FCHO2: variants seen among roughly 807,000 people sequenced by gnomAD.
FCHO2 encodes FCH and mu domain containing endocytic adaptor 2.
A neutral mutation model predicts 114.1 loss-of-function variants in FCHO2; 43 were observed. That is an observed-to-expected ratio of 0.38 (90% CI 0.30 to 0.49). The LOEUF is 0.49. Among genes scored for constraint, FCHO2 ranks in the 20% least tolerant of loss-of-function variants. FCHO2 has a pLI of 0.97. For missense variants in FCHO2, 807 were observed against 950.4 expected (o/e 0.85, Z 1.98); for synonymous variants, 293 against 315.2 (o/e 0.93, Z 0.75).
chr5:72,988,956 C>T (rs1753683174), intron 2 of FCHO2, among the ~76,000 whole-genome samples: 1 of 152,184 alleles, frequency 6.6e-6, no homozygotes. Flanking sequence ...TGCCTATGAT[C>T]TCAGCACTTT....
chr5:72,956,044 T>G lies in FCHO2; in HGVS notation c.-53T>G. ...GGGGTGCTGTGGGGGCCGGGCCGTG[T>G]TTACACAGCGGCGGGCGGGCGCGGA... On this transcript the variant is annotated 5_prime_UTR_variant, in exon 1 of 26. Coordinates refer to ENST00000430046, the MANE Select transcript of FCHO2 (RefSeq NM_138782.3). 6.5e-7 allele frequency: 1 copy of G among 1,536,484 alleles called. No homozygotes were observed.
chr5:73,073,932 A>G (rs1039230186), intron 19 of FCHO2, among the ~76,000 whole-genome samples: 4 of 152,104 alleles, frequency 2.6e-5, no homozygotes, highest in African/African-American at 7.2e-5. Flanking sequence ...ATTAAATGAA[A>G]TGCTCCCACT....
chr5:72,957,201 T>A (rs1427703293), intron 1 of FCHO2, among the ~76,000 whole-genome samples: 8 of 151,826 alleles, frequency 5.3e-5, no homozygotes, highest in Admixed American at 6.6e-5. Context: ...CCTTAGGTGT[T>A]TTGTTTTTTA....
intron 22 of FCHO2, 111 bp downstream of exon 22, chr5:73,078,423 A>C: frequency 9.7e-7 from 1 of 1,031,426 alleles, no homozygotes; most frequent in East Asian, 2.8e-5. Context: ...CAGAAATTCA[A>C]GGATGTTTTG....
At chr5:72,959,095 A>G (rs1751712896) in intron 1 of FCHO2, among the ~76,000 whole-genome samples, 1 of 152,266 alleles carries the variant, frequency 6.6e-6, no homozygotes, top group African/African-American at 2.4e-5. Flanking sequence ...ATTGAAAACA[A>G]ATAGTTAATA....
At chr5:73,063,727 C>T in intron 17 of FCHO2, 114 bp from the exon 18 acceptor site, 1 of 826,916 alleles carries the variant, frequency 1.2e-6, no homozygotes, top group Non-Finnish European at 2.0e-6. Flanking sequence ...AAAAAAAGAG[C>T]CTCCTGAAAA....
intron 11 of FCHO2, among the ~76,000 whole-genome samples, chr5:73,045,957 T>C (rs1448067890): frequency 6.6e-6 from 1 of 152,238 alleles, no homozygotes; most frequent in Non-Finnish European, 1.5e-5. Context: ...TTTTTAGAAT[T>C]ACATTGTGAC....
intron 1 of FCHO2, 26 bp from the exon 2 acceptor site, chr5:72,968,472 A>C: frequency 6.9e-7 from 1 of 1,440,944 alleles, no homozygotes; most frequent in Non-Finnish European, 9.2e-7. Flanking sequence ...TTTTTTTATG[A>C]AACTAAAAAT....
intron 6 of FCHO2, among the ~76,000 whole-genome samples, chr5:73,011,772 G>A (rs1215688210): frequency 1.3e-5 from 2 of 152,078 alleles, no homozygotes; most frequent in Non-Finnish European, 2.9e-5. Flanking sequence ...TTAGCTGGGC[G>A]TGGTGGTACG....
rs554709024 is a variant in FCHO2, at chr5:73,044,097, C to T, written c.939+2782C>T. Among the ~76,000 whole-genome samples the T allele has an allele frequency of 3.9e-5, 6 of 152,228 alleles. No individual in the cohort carries two copies. The South Asian group carries it at 1.2e-3, about 32-fold the overall frequency. Reference sequence around the variant, plus strand: ...TTCACTCTCTTCCTCTTACTCTGGCCATGTAAGATATGCTTCCTTCCTCTT... The same window carrying T: ...TTCACTCTCTTCCTCTTACTCTGGCTATGTAAGATATGCTTCCTTCCTCTT... On this transcript the variant is annotated intron_variant, in intron 11 of 25. Coordinates refer to ENST00000430046, the MANE Select transcript of FCHO2 (RefSeq NM_138782.3).
At chr5:73,021,572 T>C (rs1014801986) in intron 8 of FCHO2, among the ~76,000 whole-genome samples, 5 of 152,200 alleles carry the variant, frequency 3.3e-5, no homozygotes, top group Admixed American at 6.6e-5. Flanking sequence ...ATGTGTTGAA[T>C]GAATGAACTC....
intron 19 of FCHO2, among the ~76,000 whole-genome samples, chr5:73,070,010 C>T (rs749692085): frequency 2.6e-5 from 4 of 152,062 alleles, no homozygotes; most frequent in South Asian, 2.1e-4. Flanking sequence ...TTTCACTAAC[C>T]GAGCACTAAT....
chr5:73,021,692 G>A (rs545453013), intron 8 of FCHO2, among the ~76,000 whole-genome samples: 51 of 152,186 alleles, frequency 3.4e-4, no homozygotes, highest in African/African-American at 1.2e-3. Flanking sequence ...AATCTTAATA[G>A]TTTGTACTTG....
At chr5:73,050,328 A>ATTTATTTATTTATTTT (rs1411845666) in intron 11 of FCHO2, among the ~76,000 whole-genome samples, 11 of 145,002 alleles carry the variant, frequency 7.6e-5, no homozygotes, top group Admixed American at 6.2e-4. Context: ...TTATTTATTT[A>ATTTATTTATTTATTTT]TTTATTTATT....
intron 11 of FCHO2, among the ~76,000 whole-genome samples, chr5:73,041,987 T>A (rs1756826780): frequency 6.6e-6 from 1 of 152,142 alleles, no homozygotes; most frequent in Non-Finnish European, 1.5e-5. Flanking sequence ...CCTTTGCTTA[T>A]TGTTCTTACC....
intron 9 of FCHO2, among the ~76,000 whole-genome samples, chr5:73,036,254 C>T (rs1756500768): frequency 6.6e-6 from 1 of 152,120 alleles, no homozygotes; most frequent in Non-Finnish European, 1.5e-5. Context: ...ATTTTTACTC[C>T]TCGGTTATGG....
At chr5:72,983,545 TA>T (rs1753346636) in intron 2 of FCHO2, among the ~76,000 whole-genome samples, 1 of 146,714 alleles carries the variant, frequency 6.8e-6, no homozygotes, top group African/African-American at 2.5e-5. Context: ...AAAGTGACAA[TA>T]CTTTTTTTTT....
intron 10 of FCHO2, among the ~76,000 whole-genome samples, chr5:73,040,420 C>T (rs1756749838): frequency 6.6e-6 from 1 of 152,182 alleles, no homozygotes; most frequent in African/African-American, 2.4e-5. Flanking sequence ...TGTGCATTAA[C>T]TGTCACAAGT....
At chr5:73,079,387 T>G (rs1743020824) in intron 22 of FCHO2, among the ~76,000 whole-genome samples, 1 of 152,138 alleles carries the variant, frequency 6.6e-6, no homozygotes, top group Non-Finnish European at 1.5e-5. Context: ...AGGAATAGAT[T>G]AGAGTATCCA....
Sources: gnomAD v4.1 joint callset for allele counts (sites outside exome capture counted in the v4.1 genomes callset) on GRCh38, gnomAD v4.1.1 for gene constraint, MANE v1.5 for transcripts, NCBI Gene and HGNC (gene_info 2026-07-23, HGNC 2026-07-21) for gene names.